The following GALNT15 variants were observed in gnomAD, a reference collection of about 807,000 sequenced individuals.
GALNT15 encodes the protein polypeptide N-acetylgalactosaminyltransferase 15.
In GALNT15, 67 loss-of-function variants were observed where a neutral mutation model predicts 66.8. The observed-to-expected ratio is 1.00, with a 90% CI of 0.82 to 1.23. The LOEUF is 1.23. Among genes scored for constraint, GALNT15 ranks in the 50% most tolerant of loss-of-function variants. The probability of loss-of-function intolerance (pLI) is 0.00; values close to 1 mark genes in which losing one functional copy is unlikely to be tolerated. For missense variants in GALNT15, 827 were observed against 804.3 expected (o/e 1.03, Z -0.34); for synonymous variants, 313 against 311.5 (o/e 1.00, Z -0.05).
Position 16,211,249 on chromosome 3 carries a change from C to G in GALNT15, c.1197+8C>G. Reference sequence around the variant, plus strand: ...CTCGAACTGTCTTTCAAGGTATGTCCTGGACCAAGGGAGGACAGAGGTGGG... The same window carrying G: ...CTCGAACTGTCTTTCAAGGTATGTCGTGGACCAAGGGAGGACAGAGGTGGG... On this transcript the variant is annotated splice_region_variant and intron_variant, in intron 5 of 9. Transcript: ENST00000339732. The surrounding 1 kb of genome is among the most constrained non-coding windows in gnomAD (Gnocchi z 4.3). 1.3e-6 allele frequency: 2 copies of G among 1,571,338 alleles called. No homozygotes were observed. The highest frequency in any genetic ancestry group is 1.8e-6 in the Non-Finnish European group (2 of 1,140,942).
At chr3:16,198,718 C>A (rs1338294188) in intron 2 of GALNT15, among the ~76,000 whole-genome samples, 1 of 142,572 alleles carries the variant, frequency 7.0e-6, no homozygotes, top group Non-Finnish European at 1.6e-5. Context: ...AGAATTGCAA[C>A]AGCCCAGTGA....
chr3:16,176,608 C>A lies in GALNT15; in HGVS notation c.539+918C>A, dbSNP rs2063412536. Among the ~76,000 whole-genome samples the A allele has an allele frequency of 1.3e-5, 2 of 152,218 alleles. No individual in the cohort carries two copies. Among genetic ancestry groups the A allele is most frequent in the Non-Finnish European group, 2.9e-5 (2 of 68,034 alleles). ...TGGCCCATCCTCCACACCCCCTGCT[C>A]CCTTACTGTCACCATGGCTGACCAC... On this transcript the variant is annotated intron_variant, in intron 1 of 9. Transcript: ENST00000339732. This position sits in a 1 kb window ranked among gnomAD's most constrained non-coding sequence, Gnocchi z 5.6.
intron 9 of GALNT15, among the ~76,000 whole-genome samples, chr3:16,226,050 GA>G (rs34201320): frequency 0.051 from 7,157 of 139,560 alleles, 201 homozygotes; most frequent in South Asian, 0.069. Context: ...CTCCTTCTTG[GA>G]AAAAAAAAAA....
At chr3:16,246,297 A>G in the GALNT15 span, among the ~76,000 whole-genome samples, 1 of 150,220 alleles carries the variant, frequency 6.7e-6, no homozygotes, top group African/African-American at 2.5e-5. Context: ...CTCCTCTGGG[A>G]CAAACATACA....
chr3:16,175,297 G>A lies in GALNT15; in HGVS notation c.146G>A (p.Ser49Asn). The part of the protein sequence containing the change: ...TLHQTVTAQA[S>N]KHSPEARYRL... ...CACCAGACTGTCACAGCCCAAGCCA[G>A]CAAGCACAGCCCTGAAGCCAGGTAC... The change falls in exon 1 of 10, where the codon AGC (serine) becomes AAC (asparagine). Residue 49 changes from serine to asparagine, a missense_variant. Ser to Asn is a conservative substitution (Grantham distance 46). Transcript: ENST00000339732. This position sits in a 1 kb window ranked among gnomAD's most constrained non-coding sequence, Gnocchi z 5.6. 1 of 1,614,212 alleles carries A rather than the reference G, an allele frequency of 6.2e-7. No individual in the cohort carries two copies.
the GALNT15 span, among the ~76,000 whole-genome samples, chr3:16,244,467 C>T: frequency 6.6e-6 from 1 of 152,244 alleles, no homozygotes; most frequent in Admixed American, 6.5e-5. Context: ...AGGATTTGTG[C>T]ACCACTGCTA....
chr3:16,234,959 G>A (rs190551515), downstream of GALNT15, among the ~76,000 whole-genome samples: 160 of 140,678 alleles, frequency 1.1e-3, no homozygotes, highest in African/African-American at 4.0e-3. Flanking sequence ...GTCTCACTCC[G>A]TTGCCCAGGC....
the GALNT15 span, chr3:16,244,037 G>C: frequency 1.7e-5 from 17 of 983,022 alleles, no homozygotes; most frequent in Non-Finnish European, 1.9e-5. Flanking sequence ...ACACTCAGAA[G>C]AGTGGCAGGC....
rs1029343182 is a variant in GALNT15 at position 16,191,237 on chromosome 3, G to A, written c.540-4523G>A. 4.6e-5 allele frequency: 27 copies of A among 592,474 alleles called. No individual in the cohort carries two copies. The highest frequency in any genetic ancestry group is 5.5e-5 in the Non-Finnish European group (26 of 471,362). The allele number at this position is 592,474 out of a possible 1,614,324, so 36.7% of individuals were successfully genotyped here. On this transcript the variant is annotated intron_variant, in intron 1 of 9. Coordinates refer to ENST00000339732, the MANE Select transcript of GALNT15 (RefSeq NM_054110.5). This position sits in a 1 kb window ranked among gnomAD's most constrained non-coding sequence, Gnocchi z 5.2. ...AAATGCTTGCTGTCCTTATTTTTCT[G>A]CCTCCTTCTTCCTCCTGCTGCGGGA...
intron 6 of GALNT15, among the ~76,000 whole-genome samples, chr3:16,214,546 T>C (rs2063852495): frequency 6.6e-6 from 1 of 152,180 alleles, no homozygotes; most frequent in South Asian, 2.1e-4. Context: ...TTGTCATGGC[T>C]ACTAATGGTC....
the GALNT15 span, among the ~76,000 whole-genome samples, chr3:16,247,097 A>AGTGTGT: frequency 0.02 from 2,888 of 144,856 alleles, 29 homozygotes; most frequent in South Asian, 0.048. Flanking sequence ...CAAAGACTGT[A>AGTGTGT]GTGTGTGTGT....
At chr3:16,212,886 T>G (rs2063832412) in intron 6 of GALNT15, 123 bp downstream of exon 6, 2 of 805,808 alleles carry the variant, frequency 2.5e-6, no homozygotes, top group South Asian at 1.8e-5. Context: ...TGAGCTTCCC[T>G]CATGCTGCCC....
At chr3:16,234,262 T>G (rs937322662), downstream of GALNT15, among the ~76,000 whole-genome samples, 1 of 152,194 alleles carries the variant, frequency 6.6e-6, no homozygotes, top group Admixed American at 6.5e-5. Context: ...GTCTTATAGC[T>G]TTAGCTTTCT....
At position 16,227,767 on chromosome 3, in the gene GALNT15, A is replaced by C; in HGVS notation, c.*267A>C. 8.1e-7 allele frequency: 1 copy of C among 1,227,698 alleles called. No individual in the cohort carries two copies. The highest frequency in any genetic ancestry group is 1.0e-6 in the Non-Finnish European group (1 of 982,668). 76.1% of individuals were successfully genotyped at this position (1,227,698 alleles called of 1,614,324 possible). A position where few individuals can be genotyped will look rare whatever the true frequency, so the allele number is the denominator to read the frequency against. On this transcript the variant is annotated 3_prime_UTR_variant, in exon 10 of 10. Coordinates refer to ENST00000339732, the MANE Select transcript of GALNT15 (RefSeq NM_054110.5). The surrounding 1 kb of genome is among the most constrained non-coding windows in gnomAD (Gnocchi z 4.5). ...AAATGATTATTACATAGTACAGAAG[A>C]TTCTTTGTTTTTCTCCACTGAGCAC...
Position 16,228,571 on chromosome 3 carries a change from G to T in GALNT15, c.*1071G>T. 1 of 814,092 alleles carries T rather than the reference G, an allele frequency of 1.2e-6. No individual in the cohort carries two copies. The highest frequency in any genetic ancestry group is 1.5e-6 in the Non-Finnish European group (1 of 675,802). 50.4% of individuals were successfully genotyped at this position (814,092 alleles called of 1,614,324 possible). A position where few individuals can be genotyped will look rare whatever the true frequency, so the allele number is the denominator to read the frequency against. On this transcript the variant is annotated 3_prime_UTR_variant, in exon 10 of 10. Transcript: ENST00000339732. ...CAAGAGAATCGCTTGAACCCAGGAG[G>T]CAGAGGTTGCAGTGAGCTGAGATCA...
chr3:16,178,640 A>G (rs1465672781), intron 1 of GALNT15, among the ~76,000 whole-genome samples: 2 of 152,168 alleles, frequency 1.3e-5, no homozygotes, highest in African/African-American at 2.4e-5. Flanking sequence ...TGCATGCACA[A>G]GAGAGTCCCT....
In GALNT15 at chr3:16,211,051, G is replaced by A. The variant is rs41284043; in HGVS notation, c.1080-73G>A. On this transcript the variant is annotated intron_variant, in intron 4 of 9. Coordinates refer to ENST00000339732, the MANE Select transcript of GALNT15 (RefSeq NM_054110.5). The surrounding 1 kb of genome is among the most constrained non-coding windows in gnomAD (Gnocchi z 4.3). The stretch of plus-strand genomic sequence containing the variant: ...AGCCACTGGAGCTCCCACCTGGGAA[G>A]CCCCAGCCCCCAGCCTCGCCTGCTG... 4.5e-6 allele frequency: 5 copies of A among 1,101,944 alleles called. No homozygotes were observed. In the South Asian group the frequency reaches 6.4e-5, roughly 14 times the overall value. The allele number at this position is 1,101,944 out of a possible 1,614,324, so 68.3% of individuals were successfully genotyped here.
chr3:16,232,502 ATATATATATTTATT>A (rs1178653456), downstream of GALNT15, among the ~76,000 whole-genome samples: 234 of 87,302 alleles, frequency 2.7e-3, 8 homozygotes, highest in East Asian at 0.015. Context: ...ATATATATAT[ATATATATATTTATT>A]TAAAAGAGAC....
rs17041971 is a variant in GALNT15 at position 16,182,839 on chromosome 3, C to T, written c.539+7149C>T. ...GGATGGTTCAAGGGCATATGGACAC[C>T]GGAGAGGCACTGAGCTACGTCTTGG... On this transcript the variant is annotated intron_variant, in intron 1 of 9. Coordinates refer to ENST00000339732, the MANE Select transcript of GALNT15 (RefSeq NM_054110.5). This position sits in a 1 kb window ranked among gnomAD's most constrained non-coding sequence, Gnocchi z 6.1. The T allele has an allele frequency of 0.44, 66,912 of 152,136 alleles. 15,496 individuals carry two copies. Among genetic ancestry groups the T allele is most frequent in the East Asian group, 0.53 (2,767 of 5,184 alleles). The allele number at this position is 152,136 out of a possible 1,614,324, so 9.4% of individuals were successfully genotyped here. A position where few individuals can be genotyped will look rare whatever the true frequency, so the allele number is the denominator to read the frequency against.
Sources: allele counts gnomAD v4.1 joint callset (sites outside exome capture counted in the v4.1 genomes callset), GRCh38; gene constraint gnomAD v4.1.1; non-coding constraint Gnocchi (gnomAD v3.1); transcripts MANE v1.5; gene names NCBI Gene and HGNC (gene_info 2026-07-23, HGNC 2026-07-21).